The following MTIF2 variants were observed in gnomAD, a reference collection of about 807,000 sequenced individuals.
The protein encoded by MTIF2 is mitochondrial translational initiation factor 2.
MTIF2 carries 71 observed loss-of-function variants against 83.5 expected under a neutral mutation model. The observed-to-expected ratio is 0.85, with a 90% confidence interval of 0.70 to 1.04. The LOEUF (loss-of-function observed/expected upper bound fraction) is 1.04, where lower values mean the gene tolerates loss of function less well. Ranked by LOEUF, MTIF2 falls within the 50% of genes least tolerant of loss-of-function variation. The probability of loss-of-function intolerance (pLI) is 0.00; values close to 1 mark genes in which losing one functional copy is unlikely to be tolerated. For missense variants in MTIF2, 957 were observed against 846.5 expected (o/e 1.13, Z -1.62); for synonymous variants, 319 against 287.1 (o/e 1.11, Z -1.12).
chr2:55,241,840 T>C (rs1676337660), intron 13 of MTIF2, among the ~76,000 whole-genome samples: 1 of 151,534 alleles, frequency 6.6e-6, no homozygotes, highest in African/African-American at 2.4e-5. Flanking sequence ...CAAAACTCCG[T>C]CTCAAGAAAA....
Position 55,244,104 on chromosome 2 carries a change from G to A in MTIF2, c.1236C>T (p.Pro412=), listed in dbSNP as rs773592719. 1 of 1,614,088 alleles carries A rather than the reference G, an allele frequency of 6.2e-7. No homozygotes were observed. The highest frequency in any genetic ancestry group is 1.3e-5 in the African/African-American group (1 of 75,028). ...ENGKTIDEAY[P]SMPVGITGWR... is the part of the protein sequence containing the mutation. ...AGCCTGTAATTCCCACTGGCATGCTGGGATAGGCCTCATCAATTGTTTTTC... is the reference window on the plus strand; with the variant it reads ...AGCCTGTAATTCCCACTGGCATGCTAGGATAGGCCTCATCAATTGTTTTTC... Residue 412 remains proline, a synonymous_variant, in exon 11 of 16, where the codon CCC becomes CCT. Coordinates refer to ENST00000263629, the MANE Select transcript of MTIF2 (RefSeq NM_002453.3).
At chr2:55,265,937 T>C (rs182652125) in intron 3 of MTIF2, among the ~76,000 whole-genome samples, 4 of 152,342 alleles carry the variant, frequency 2.6e-5, no homozygotes, top group Admixed American at 2.0e-4. Context: ...ACTGTTTACA[T>C]AGTATTTGCT....
At chr2:55,256,614 T>C (rs372089955) in intron 5 of MTIF2, among the ~76,000 whole-genome samples, 97 of 148,688 alleles carry the variant, frequency 6.5e-4, no homozygotes, top group African/African-American at 2.3e-3. Context: ...CTGAGGAGAA[T>C]TGCTTGAATC....
chr2:55,262,489 T>C (rs929816155), intron 4 of MTIF2, 62 bp from the exon 5 acceptor site: 1 of 1,036,530 alleles, frequency 9.6e-7, no homozygotes, highest in African/African-American at 1.6e-5. Context: ...ACAATTTAGA[T>C]TTATTCTCAA....
chr2:55,242,123 A>G (rs992492715), intron 13 of MTIF2, among the ~76,000 whole-genome samples: 1 of 151,298 alleles, frequency 6.6e-6, no homozygotes, highest in Non-Finnish European at 1.5e-5. Flanking sequence ...GCCTGGGCAA[A>G]AGAGTGAGGC....
chr2:55,242,737 A>G (rs1676416186), intron 13 of MTIF2, among the ~76,000 whole-genome samples: 1 of 152,224 alleles, frequency 6.6e-6, no homozygotes. Flanking sequence ...AAACTGCAGT[A>G]CAACCACAAC....
chr2:55,244,365 A>C lies in MTIF2; in HGVS notation c.1107-132T>G. 5 of 711,520 alleles carry C rather than the reference A, an allele frequency of 7.0e-6. No homozygotes were observed. In the South Asian group the frequency reaches 9.8e-5, roughly 14 times the overall value. 44.1% of individuals were successfully genotyped at this position (711,520 alleles called of 1,614,324 possible). A position where few individuals can be genotyped will look rare whatever the true frequency, so the allele number is the denominator to read the frequency against. On this transcript the variant is annotated intron_variant, in intron 10 of 15. Coordinates refer to ENST00000263629, the MANE Select transcript of MTIF2 (RefSeq NM_002453.3). ...AATTCCACCACTTCTTAACTTAAGC[A>C]GTTTTTCATACTATAAAAACATTTC...
intron 14 of MTIF2, among the ~76,000 whole-genome samples, chr2:55,238,192 A>AG (rs1676031324): frequency 1.1e-3 from 1 of 930 alleles, no homozygotes; most frequent in Admixed American, 0.015. Flanking sequence ...CACCATGCCC[A>AG]CTAATTTTTT....
At chr2:55,263,398 C>G (rs1678182818) in intron 4 of MTIF2, among the ~76,000 whole-genome samples, 1 of 152,110 alleles carries the variant, frequency 6.6e-6, no homozygotes, top group Admixed American at 6.6e-5. Context: ...TGGATTTGTA[C>G]TCATGGTTCT....
chr2:55,250,062 C>G (rs926779217), intron 8 of MTIF2, among the ~76,000 whole-genome samples: 3 of 152,116 alleles, frequency 2.0e-5, no homozygotes, highest in Admixed American at 1.3e-4. Flanking sequence ...CACTGCACTC[C>G]AGCATGGGCA....
At chr2:55,239,877 T>A in intron 14 of MTIF2, 134 bp downstream of exon 14, 1 of 695,722 alleles carries the variant, frequency 1.4e-6, no homozygotes. Context: ...TGGATTCTCA[T>A]GGTAGTCATT....
rs775304943 is a variant in MTIF2, at chr2:55,263,632, G to T, written c.219+8C>A. ...CTCAAAAAAAAAAAAAAAGAAATCT[G>T]TAACTACCTTTTTTGTTACTAGAAG... On this transcript the variant is annotated splice_region_variant and intron_variant, in intron 4 of 15. Transcript: ENST00000263629. 20 of 1,565,596 alleles carry T rather than the reference G, an allele frequency of 1.3e-5. No homozygotes were observed. The East Asian group carries it at 3.8e-4, about 30-fold the overall frequency.
Position 55,252,558 on chromosome 2 carries a change from T to A in MTIF2, c.760A>T (p.Ile254Phe), listed in dbSNP as rs780783851. The A allele has an allele frequency of 6.2e-7, 1 of 1,614,018 alleles. No homozygotes were observed. Among genetic ancestry groups the A allele is most frequent in the Non-Finnish European group, 8.5e-7 (1 of 1,179,996 alleles). Residue 254 changes from isoleucine (I) to phenylalanine (F), a missense_variant, in exon 8 of 16, where the codon ATT (isoleucine) becomes TTT (phenylalanine). Physicochemically the swap from Ile to Phe is conservative, Grantham distance 21. Around this residue, in one of 3 missense-constraint regions of MTIF2, gnomAD observed 733 missense variants for 648.7 expected, o/e 1.13. Coordinates refer to ENST00000263629, the MANE Select transcript of MTIF2 (RefSeq NM_002453.3). ...TCTGCAGCTACAACCAATACGACAA[T>A]GTCAGTGACCTGAGCACCTCTGGCT... ...MRARGAQVTD[I>F]VVLVVAADDG...
rs1677322515 is a variant in MTIF2 at position 55,254,075 on chromosome 2, A to G, written c.630T>C (p.Thr210=). ...FRKTQVAAVE[T]GGITQHIGAF... ...CACCAATGTGCTGAGTGATGCCTCC[A>G]GTTTCCACTGCTGCCACTTGAGTTT... Residue 210 remains threonine (T), a synonymous_variant, in exon 7 of 16, where the codon ACT becomes ACC. Coordinates refer to ENST00000263629, the MANE Select transcript of MTIF2 (RefSeq NM_002453.3). 1 of 1,614,214 alleles carries G rather than the reference A, an allele frequency of 6.2e-7. No homozygotes were observed. Among genetic ancestry groups the G allele is most frequent in the East Asian group, 2.2e-5 (1 of 44,878 alleles).
chr2:55,263,326 C>T (rs575241751), intron 4 of MTIF2, among the ~76,000 whole-genome samples: 1 of 152,166 alleles, frequency 6.6e-6, no homozygotes, highest in Non-Finnish European at 1.5e-5. Context: ...AGCTCTATTG[C>T]TTGGAGTAAT....
chr2:55,258,466 C>T (rs1053019457), intron 5 of MTIF2, among the ~76,000 whole-genome samples: 4 of 151,288 alleles, frequency 2.6e-5, no homozygotes, highest in East Asian at 3.9e-4. Flanking sequence ...GTCAGGAGTT[C>T]GAGACCAGCC....
chr2:55,243,294 CT>C (rs1676456479), intron 12 of MTIF2, 121 bp downstream of exon 12: 1 of 1,142,226 alleles, frequency 8.8e-7, no homozygotes, highest in Non-Finnish European at 1.2e-6. Context: ...AATATGTTGA[CT>C]AAGAAAAACT....
chr2:55,248,402 G>C (rs1676854487), intron 9 of MTIF2, among the ~76,000 whole-genome samples: 1 of 152,052 alleles, frequency 6.6e-6, no homozygotes, highest in African/African-American at 2.4e-5. Context: ...TTTAATTGGA[G>C]GAAGGTGGTA....
At chr2:55,243,723 T>G in intron 11 of MTIF2, 55 bp from the exon 12 acceptor site, 1 of 1,563,118 alleles carries the variant, frequency 6.4e-7, no homozygotes, top group Non-Finnish European at 8.7e-7. Flanking sequence ...AACTGCTAGA[T>G]TAAAGCCTTT....
Sources: gnomAD v4.1 joint callset for allele counts (sites outside exome capture counted in the v4.1 genomes callset) on GRCh38, gnomAD v4.1.1 for gene constraint, gnomAD v4.1.1 regional missense constraint, MANE v1.5 for transcripts, NCBI Gene and HGNC (gene_info 2026-07-23, HGNC 2026-07-21) for gene names.